The following PLCB4 variants were observed in gnomAD, a reference collection of about 807,000 sequenced individuals.
PLCB4 encodes phospholipase C beta 4.
PLCB4 carries 77 observed loss-of-function variants against 178.8 expected under a neutral mutation model. The observed-to-expected ratio is 0.43, with a 90% CI of 0.36 to 0.52. The LOEUF (loss-of-function observed/expected upper bound fraction) is 0.52. Ranked by LOEUF, PLCB4 falls within the 20% of genes least tolerant of loss-of-function variation. PLCB4 has a pLI of 0.00. For missense variants in PLCB4, 1,024 were observed against 1,453.4 expected (o/e 0.70, Z 4.80); for synonymous variants, 496 against 490.8 (o/e 1.01, Z -0.14).
At chr20:9,085,878 T>C (rs560092075) in intron 1 of PLCB4, among the ~76,000 whole-genome samples, 1 of 152,324 alleles carries the variant, frequency 6.6e-6, no homozygotes, top group Non-Finnish European at 1.5e-5. Flanking sequence ...CCCATGGGAA[T>C]TAGTTCATTT....
At chr20:9,128,581 C>T (rs2092191785) in intron 2 of PLCB4, among the ~76,000 whole-genome samples, 1 of 152,088 alleles carries the variant, frequency 6.6e-6, no homozygotes, top group Non-Finnish European at 1.5e-5. Flanking sequence ...AACGGGGTTT[C>T]GCCTTATTGA....
chr20:9,347,132 T>G (rs181131241), intron 7 of PLCB4, among the ~76,000 whole-genome samples: 31 of 152,266 alleles, frequency 2.0e-4, no homozygotes, highest in Non-Finnish European at 2.6e-4. Context: ...AGGGAAATGA[T>G]GTGAATAGCT....
At chr20:9,135,925 G>A (rs553397893) in intron 2 of PLCB4, among the ~76,000 whole-genome samples, 5 of 152,196 alleles carry the variant, frequency 3.3e-5, no homozygotes, top group African/African-American at 1.2e-4. Context: ...AAGAAACTTA[G>A]AGCTCCCCTT....
intron 2 of PLCB4, among the ~76,000 whole-genome samples, chr20:9,212,482 A>C (rs1354275318): frequency 2.0e-5 from 3 of 152,224 alleles, no homozygotes; most frequent in Non-Finnish European, 4.4e-5. Context: ...GTCACCTTTA[A>C]ATATTTGTAG....
intron 4 of PLCB4, among the ~76,000 whole-genome samples, chr20:9,320,786 G>A (rs570570020): frequency 6.6e-6 from 1 of 152,206 alleles, no homozygotes; most frequent in Non-Finnish European, 1.5e-5. Context: ...GGATCTCCAA[G>A]TATGGTTTCA....
chr20:9,220,464 T>C (rs1353799357), intron 3 of PLCB4, among the ~76,000 whole-genome samples: 5 of 152,108 alleles, frequency 3.3e-5, no homozygotes, highest in Admixed American at 1.3e-4. Context: ...AAACCCTGTC[T>C]CTACTAAAAA....
intron 4 of PLCB4, among the ~76,000 whole-genome samples, chr20:9,321,612 C>T (rs2094958989): frequency 1.3e-5 from 2 of 151,966 alleles, no homozygotes; most frequent in African/African-American, 4.8e-5. Context: ...AAAGTGTTTA[C>T]CAGGGCTTTT....
chr20:9,106,511 G>C (rs867359625), intron 2 of PLCB4, among the ~76,000 whole-genome samples: 1 of 149,100 alleles, frequency 6.7e-6, no homozygotes, highest in Non-Finnish European at 1.5e-5. Flanking sequence ...ACAGATATTC[G>C]GAATAAAATA....
intron 3 of PLCB4, among the ~76,000 whole-genome samples, chr20:9,263,407 T>C (rs951247531): frequency 2.0e-5 from 3 of 152,220 alleles, no homozygotes; most frequent in Admixed American, 1.3e-4. Flanking sequence ...CAAGAATATC[T>C]AGTCCCTTGC....
intron 25 of PLCB4, among the ~76,000 whole-genome samples, chr20:9,416,417 C>T (rs2040250019): frequency 6.6e-6 from 1 of 152,144 alleles, no homozygotes; most frequent in African/African-American, 2.4e-5. Context: ...CGACCTTCCT[C>T]GGGAGGCAGA....
chr20:9,076,788 T>A (rs1234531713), intron 1 of PLCB4, among the ~76,000 whole-genome samples: 2 of 152,008 alleles, frequency 1.3e-5, no homozygotes, highest in Non-Finnish European at 2.9e-5. Flanking sequence ...CAAGATGCTA[T>A]TATTGGACAA....
At chr20:9,351,126 CAGA>C (rs2034299055) in intron 7 of PLCB4, among the ~76,000 whole-genome samples, 1 of 150,990 alleles carries the variant, frequency 6.6e-6, no homozygotes, top group Non-Finnish European at 1.5e-5. Flanking sequence ...GTAGTGCTTT[CAGA>C]AGAAGTATTT....
intron 3 of PLCB4, among the ~76,000 whole-genome samples, chr20:9,260,143 TA>T (rs1188565474): frequency 6.6e-6 from 1 of 152,064 alleles, no homozygotes; most frequent in East Asian, 1.9e-4. Context: ...ATTTTCATAC[TA>T]AACACTGAGC....
At chr20:9,315,179 C>T (rs1227594405) in intron 4 of PLCB4, among the ~76,000 whole-genome samples, 1 of 152,178 alleles carries the variant, frequency 6.6e-6, no homozygotes, top group Non-Finnish European at 1.5e-5. Flanking sequence ...AATGTGTATA[C>T]TTATATGAGT....
intron 3 of PLCB4, among the ~76,000 whole-genome samples, chr20:9,226,675 G>T (rs1160754795): frequency 6.6e-6 from 1 of 152,130 alleles, no homozygotes; most frequent in Non-Finnish European, 1.5e-5. Flanking sequence ...TATAAAACAA[G>T]ATTTTCATGA....
Position 9,316,933 on chromosome 20 carries a change from T to G in PLCB4, c.84+9035T>G, listed in dbSNP as rs570352415. Among the ~76,000 whole-genome samples, 4 of 152,270 alleles carry G rather than the reference T, an allele frequency of 2.6e-5. No homozygotes were observed. The South Asian group carries it at 6.2e-4, about 24-fold the overall frequency. On this transcript the variant is annotated intron_variant, in intron 4 of 39. Transcript: ENST00000378473. Reference sequence around the variant, plus strand: ...TCATTGTCATCCAAGCATGAGACCTTTAAGGAAAGGTCTGTATTGTAGGTC... The same window carrying G: ...TCATTGTCATCCAAGCATGAGACCTGTAAGGAAAGGTCTGTATTGTAGGTC...
chr20:9,442,379 GTT>G (rs11087846), intron 30 of PLCB4, among the ~76,000 whole-genome samples: 3,153 of 148,674 alleles, frequency 0.021, 96 homozygotes, highest in African/African-American at 0.074. Context: ...GTAGAGTGTG[GTT>G]TTTTTTTTTC....
intron 2 of PLCB4, among the ~76,000 whole-genome samples, chr20:9,193,880 A>G (rs1818442017): frequency 6.6e-6 from 1 of 152,112 alleles, no homozygotes; most frequent in Non-Finnish European, 1.5e-5. Flanking sequence ...CTTTTCATCT[A>G]TATTCTAGGT....
At chr20:9,225,747 T>C (rs1189536369) in intron 3 of PLCB4, among the ~76,000 whole-genome samples, 2 of 152,374 alleles carry the variant, frequency 1.3e-5, no homozygotes, top group South Asian at 4.1e-4. Context: ...ATGTTTGCTT[T>C]GTTTTATCTG....
Sources: allele counts gnomAD v4.1 joint callset (sites outside exome capture counted in the v4.1 genomes callset), GRCh38; gene constraint gnomAD v4.1.1; transcripts MANE v1.5; gene names NCBI Gene and HGNC (gene_info 2026-07-23, HGNC 2026-07-21).